Variants in SPATA6 observed in about 807,000 individuals in gnomAD.
The protein encoded by SPATA6 is spermatogenesis associated 6.
In SPATA6, 56 loss-of-function variants were observed where a neutral mutation model predicts 65.3. The ratio of observed to expected loss-of-function variants is 0.86; its 90% confidence interval spans 0.69 to 1.07. The LOEUF (loss-of-function observed/expected upper bound fraction) is 1.07. SPATA6 is among the 50% of genes least tolerant of loss of function. The pLI, the probability that SPATA6 is intolerant of heterozygous loss-of-function variation, is 0.00. For synonymous variants in SPATA6, 199 were observed against 213.2 expected (o/e 0.93, Z 0.58); for missense variants, 590 against 594.8 (o/e 0.99, Z 0.08).
At chr1:48,308,927 C>T (rs1243546322) in intron 11 of SPATA6, among the ~76,000 whole-genome samples, 1 of 151,976 alleles carries the variant, frequency 6.6e-6, no homozygotes, top group African/African-American at 2.4e-5. Flanking sequence ...ACTCTGTCAC[C>T]CAGGCTGAAA....
chr1:48,355,904 T>C, intron 10 of SPATA6, 135 bp from the exon 11 acceptor site: 1 of 562,082 alleles, frequency 1.8e-6, no homozygotes, highest in Non-Finnish European at 3.2e-6. Context: ...AACATACCTA[T>C]ATATCTGACC....
chr1:48,463,417 A>G (rs1657591471), intron 1 of SPATA6, among the ~76,000 whole-genome samples: 1 of 152,180 alleles, frequency 6.6e-6, no homozygotes, highest in Non-Finnish European at 1.5e-5. Flanking sequence ...TTGGAATTAA[A>G]ACAAATCCTA....
At chr1:48,433,291 TGTATG>T (rs1654578000) in intron 3 of SPATA6, among the ~76,000 whole-genome samples, 1 of 152,168 alleles carries the variant, frequency 6.6e-6, no homozygotes, top group African/African-American at 2.4e-5. Flanking sequence ...AATTTCATTA[TGTATG>T]TTTTACTGTA....
intron 3 of SPATA6, among the ~76,000 whole-genome samples, chr1:48,430,699 T>C (rs931499060): frequency 2.0e-5 from 3 of 152,178 alleles, no homozygotes; most frequent in African/African-American, 7.2e-5. Flanking sequence ...AGTATAAACA[T>C]GTAATTAGTG....
At chr1:48,326,331 A>G (rs999723122) in intron 11 of SPATA6, among the ~76,000 whole-genome samples, 2 of 152,198 alleles carry the variant, frequency 1.3e-5, no homozygotes, top group African/African-American at 4.8e-5. Context: ...GGAGAAATAC[A>G]AAACACTGTT....
intron 9 of SPATA6, among the ~76,000 whole-genome samples, chr1:48,364,487 C>T (rs185690034): frequency 3.3e-5 from 5 of 152,222 alleles, no homozygotes; most frequent in East Asian, 3.9e-4. Context: ...TTTTAATGAT[C>T]GCCATTCTAA....
intron 9 of SPATA6, among the ~76,000 whole-genome samples, chr1:48,365,017 G>A (rs991458679): frequency 5.9e-5 from 9 of 152,138 alleles, no homozygotes; most frequent in Admixed American, 4.6e-4. Context: ...TTCTACATAT[G>A]GCTAGCCAGT....
At chr1:48,302,245 G>C (rs959654912) in intron 12 of SPATA6, among the ~76,000 whole-genome samples, 2 of 152,066 alleles carry the variant, frequency 1.3e-5, no homozygotes, top group East Asian at 1.9e-4. Context: ...GAGGGTGCAA[G>C]GGCAGTTTTC....
At chr1:48,305,738 T>G (rs1264807175) in intron 12 of SPATA6, 49 bp downstream of exon 12, 1 of 1,371,316 alleles carries the variant, frequency 7.3e-7, no homozygotes, top group Non-Finnish European at 1.0e-6. Context: ...TATAAAACAG[T>G]TATTTTTATC....
intron 3 of SPATA6, among the ~76,000 whole-genome samples, chr1:48,427,623 A>T (rs1653965036): frequency 6.6e-6 from 1 of 152,222 alleles, no homozygotes; most frequent in Non-Finnish European, 1.5e-5. Context: ...ACCAAATTTT[A>T]AAAGTTAAGA....
chr1:48,418,339 A>T (rs1434230974), intron 3 of SPATA6, among the ~76,000 whole-genome samples: 1 of 151,934 alleles, frequency 6.6e-6, no homozygotes, highest in South Asian at 2.1e-4. Flanking sequence ...ACCTTACAAT[A>T]ATTATAATGA....
At chr1:48,364,361 CCT>C (rs1346634417) in intron 9 of SPATA6, among the ~76,000 whole-genome samples, 5 of 152,088 alleles carry the variant, frequency 3.3e-5, no homozygotes, top group African/African-American at 1.2e-4. Flanking sequence ...GTTCTAGATC[CCT>C]GAGGAATCGC....
At chr1:48,367,513 A>G (rs370468736) in intron 9 of SPATA6, among the ~76,000 whole-genome samples, 30 of 151,426 alleles carry the variant, frequency 2.0e-4, no homozygotes, top group East Asian at 1.2e-3. Context: ...AGGATAGTTA[A>G]CTCTTCTTGT....
chr1:48,275,967 CT>C, the SPATA6 span, among the ~76,000 whole-genome samples: 4 of 150,568 alleles, frequency 2.7e-5, no homozygotes, highest in Non-Finnish European at 4.4e-5. Context: ...TGGTCCTGGG[CT>C]TTTTTTTTAT....
At chr1:48,364,945 G>A (rs1646949249) in intron 9 of SPATA6, among the ~76,000 whole-genome samples, 1 of 152,184 alleles carries the variant, frequency 6.6e-6, no homozygotes, top group Admixed American at 6.5e-5. Context: ...TTACATGTAA[G>A]TCTTTAATCC....
At chr1:48,372,871 G>T (rs1647449284) in intron 9 of SPATA6, among the ~76,000 whole-genome samples, 1 of 152,194 alleles carries the variant, frequency 6.6e-6, no homozygotes, top group Non-Finnish European at 1.5e-5. Context: ...GGCCCCTTTA[G>T]CCATGGCTTT....
intron 11 of SPATA6, among the ~76,000 whole-genome samples, chr1:48,354,590 C>T (rs993355832): frequency 1.3e-5 from 2 of 151,838 alleles, no homozygotes; most frequent in African/African-American, 2.4e-5. Context: ...TGCTACACTG[C>T]CAGGTAAAAC....
intron 11 of SPATA6, among the ~76,000 whole-genome samples, chr1:48,311,039 T>G (rs1380935615): frequency 6.6e-6 from 1 of 151,926 alleles, no homozygotes; most frequent in Non-Finnish European, 1.5e-5. Context: ...ATTTAAAATA[T>G]AACAAAACAT....
At chr1:48,446,837 T>C (rs1402604873) in intron 3 of SPATA6, among the ~76,000 whole-genome samples, 1 of 152,144 alleles carries the variant, frequency 6.6e-6, no homozygotes, top group Non-Finnish European at 1.5e-5. Context: ...CAGAAATAGA[T>C]TGACATAGAT....
Sources: allele counts gnomAD v4.1 joint callset (sites outside exome capture counted in the v4.1 genomes callset), GRCh38; gene constraint gnomAD v4.1.1; transcripts MANE v1.5; gene names NCBI Gene and HGNC (gene_info 2026-07-23, HGNC 2026-07-21).